ADAMTSL1: variants seen among roughly 807,000 people sequenced by gnomAD.
The protein encoded by ADAMTSL1 is ADAMTS like 1.
A neutral mutation model predicts 201.8 loss-of-function variants in ADAMTSL1; 126 were observed. The observed-to-expected ratio is 0.62, with a 90% CI of 0.54 to 0.72. The LOEUF is 0.72. Ranked by LOEUF, ADAMTSL1 falls within the 30% of genes least tolerant of loss-of-function variation. The pLI, the probability that ADAMTSL1 is intolerant of heterozygous loss-of-function variation, is 0.00. For missense variants in ADAMTSL1, 2,679 were observed against 2,277.8 expected, an observed-to-expected ratio of 1.18 and a Z score of -3.59; for synonymous variants, 1,121 against 903.4, an observed-to-expected ratio of 1.24 and a Z score of -4.32.
chr9:18,760,877 G>C (rs1169676292), intron 16 of ADAMTSL1, among the ~76,000 whole-genome samples: 1 of 152,228 alleles, frequency 6.6e-6, no homozygotes, highest in East Asian at 1.9e-4. Flanking sequence ...GCTGTCTAGA[G>C]CTTCCCTAAT....
At chr9:18,344,235 A>G (rs573371914) in intron 2 of ADAMTSL1, among the ~76,000 whole-genome samples, 14 of 152,024 alleles carry the variant, frequency 9.2e-5, no homozygotes, top group Non-Finnish European at 1.9e-4. Context: ...TTTATTTTCT[A>G]TATCCTTCTC....
intron 1 of ADAMTSL1, among the ~76,000 whole-genome samples, chr9:17,914,254 T>A (rs1825999694): frequency 6.6e-6 from 1 of 152,132 alleles, no homozygotes; most frequent in Non-Finnish European, 1.5e-5. Context: ...TTGATGAACA[T>A]TGATGCAAAA....
At chr9:17,958,980 G>A (rs1828037572) in intron 1 of ADAMTSL1, among the ~76,000 whole-genome samples, 1 of 152,040 alleles carries the variant, frequency 6.6e-6, no homozygotes. Context: ...AGATTTTAGA[G>A]GCTTTCTGAA....
chr9:18,609,147 A>G (rs1471239941), intron 4 of ADAMTSL1, among the ~76,000 whole-genome samples: 2 of 152,202 alleles, frequency 1.3e-5, no homozygotes, highest in African/African-American at 4.8e-5. Flanking sequence ...GTGCTGACAG[A>G]TAAATTTAAT....
intron 17 of ADAMTSL1, among the ~76,000 whole-genome samples, chr9:18,771,432 G>T (rs1363189432): frequency 6.6e-6 from 1 of 152,102 alleles, no homozygotes; most frequent in Non-Finnish European, 1.5e-5. Context: ...TCTAAATAAT[G>T]CCTCTCCTAA....
intron 2 of ADAMTSL1, among the ~76,000 whole-genome samples, chr9:18,184,218 G>A (rs189937184): frequency 7.2e-5 from 11 of 152,306 alleles, no homozygotes; most frequent in African/African-American, 2.4e-4. Context: ...CAATTGTGGT[G>A]TAAAATTGTT....
intron 2 of ADAMTSL1, among the ~76,000 whole-genome samples, chr9:18,347,833 C>A (rs564830311): frequency 6.6e-5 from 10 of 151,802 alleles, no homozygotes; most frequent in African/African-American, 2.4e-4. Context: ...GTGTTGAATG[C>A]GGCATCAAAG....
chr9:18,476,628 C>CT (rs1359281280), intron 1 of ADAMTSL1, among the ~76,000 whole-genome samples: 2 of 152,238 alleles, frequency 1.3e-5, no homozygotes, highest in East Asian at 3.9e-4. Context: ...AACCTTCAAA[C>CT]TTGATAGAGA....
chr9:18,858,612 G>T (rs1221412731), intron 23 of ADAMTSL1, among the ~76,000 whole-genome samples: 4 of 152,222 alleles, frequency 2.6e-5, no homozygotes, highest in African/African-American at 9.6e-5. Flanking sequence ...AGGAGTAGGT[G>T]CTGGGCAATG....
At chr9:18,838,399 A>ACACG (rs1825466942) in intron 23 of ADAMTSL1, among the ~76,000 whole-genome samples, 1 of 145,022 alleles carries the variant, frequency 6.9e-6, no homozygotes, top group Non-Finnish European at 1.5e-5. Flanking sequence ...ACACACACAC[A>ACACG]CACGCAAAAA....
Position 18,627,938 on chromosome 9 carries a change from T to C in ADAMTSL1, c.601+5569T>C, listed in dbSNP as rs79917761. On this transcript the variant is annotated intron_variant, in intron 5 of 28. Transcript: ENST00000380548. ...AAGTCTGTTGCTCATTTTTAAAAAA[T>C]GTGTTGCTTGACTTTCTCTTGTTGA... is the stretch of plus-strand genomic sequence containing the variant. Among the ~76,000 whole-genome samples, 27 of 152,320 alleles carry C rather than the reference T, an allele frequency of 1.8e-4. No homozygotes were observed. The East Asian group carries it at 5.0e-3, about 28-fold the overall frequency.
At position 18,820,330 on chromosome 9, in the gene ADAMTSL1, G is replaced by A. The variant is rs534856588; in HGVS notation, c.3934+3093G>A. 2.6e-5 allele frequency among the ~76,000 whole-genome samples: 4 copies of A among 152,212 alleles called. No individual in the cohort carries two copies. In the South Asian group the frequency reaches 6.2e-4, roughly 24 times the overall value. On this transcript the variant is annotated intron_variant, in intron 21 of 28. Transcript: ENST00000380548. The stretch of plus-strand genomic sequence containing the variant: ...GGAGAAAAGTTATGAAATATGTAAT[G>A]ATAATACAATGTGATATGTAGATAC...
chr9:18,006,142 C>A lies in ADAMTSL1; in HGVS notation c.87+99220C>A, dbSNP rs1819813956. On this transcript the variant is annotated intron_variant, in intron 1 of 29. Transcript: ENST00000680146. Reference sequence around the variant, plus strand: ...TTTGCTAATATTCATAGTGTAAATACCCAATTTCAAGCTACGAATGTGATA... The same window carrying A: ...TTTGCTAATATTCATAGTGTAAATAACCAATTTCAAGCTACGAATGTGATA... 4.6e-5 allele frequency among the ~76,000 whole-genome samples: 7 copies of A among 151,744 alleles called. No homozygotes were observed. In the South Asian group the frequency reaches 1.2e-3, roughly 27 times the overall value.
intron 2 of ADAMTSL1, among the ~76,000 whole-genome samples, chr9:18,180,198 A>G (rs1000121717): frequency 6.6e-6 from 1 of 152,142 alleles, no homozygotes; most frequent in Admixed American, 6.5e-5. Flanking sequence ...AAGCAAATGG[A>G]AAACAAAAAA....
At chr9:18,377,915 G>A (rs953248948) in intron 2 of ADAMTSL1, among the ~76,000 whole-genome samples, 1 of 151,952 alleles carries the variant, frequency 6.6e-6, no homozygotes, top group Non-Finnish European at 1.5e-5. Context: ...AGTGGACATA[G>A]ACTCCCTCCC....
chr9:18,114,033 T>G (rs1234370081), intron 1 of ADAMTSL1, among the ~76,000 whole-genome samples: 1 of 152,006 alleles, frequency 6.6e-6, no homozygotes, highest in Non-Finnish European at 1.5e-5. Context: ...TGAGATAGAT[T>G]AAGACCCACA....
At chr9:18,703,022 A>T (rs1832012838) in intron 13 of ADAMTSL1, among the ~76,000 whole-genome samples, 2 of 152,146 alleles carry the variant, frequency 1.3e-5, no homozygotes, top group African/African-American at 4.8e-5. Context: ...TTGGCCTCCC[A>T]AAGTGCTGGG....
At chr9:18,527,113 T>C (rs553169771) in intron 2 of ADAMTSL1, among the ~76,000 whole-genome samples, 4 of 152,242 alleles carry the variant, frequency 2.6e-5, no homozygotes, top group African/African-American at 9.6e-5. Context: ...CAGAATGAGA[T>C]GAGATGCTGT....
At chr9:18,258,724 T>G (rs557132586) in intron 2 of ADAMTSL1, among the ~76,000 whole-genome samples, 5 of 152,282 alleles carry the variant, frequency 3.3e-5, no homozygotes, top group African/African-American at 1.2e-4. Context: ...CATTGCTCTC[T>G]CAAATGAACC....
Sources: gnomAD v4.1 joint callset for allele counts (sites outside exome capture counted in the v4.1 genomes callset) on GRCh38, gnomAD v4.1.1 for gene constraint, MANE v1.5 for transcripts, NCBI Gene and HGNC (gene_info 2026-07-23, HGNC 2026-07-21) for gene names.